NRSN1: variants seen among roughly 807,000 people sequenced by gnomAD.
The protein encoded by NRSN1 is neurensin-1.
NRSN1 carries 14 observed loss-of-function variants against 17.3 expected under a neutral mutation model. That is an observed-to-expected ratio of 0.81 (90% CI 0.54 to 1.27). NRSN1 has a LOEUF of 1.27. NRSN1 is among the 50% of genes most tolerant of loss of function. The pLI is 0.00. For synonymous variants in NRSN1, 79 were observed against 94.2 expected (o/e 0.84, Z 0.93); for missense variants, 209 against 235.9 (o/e 0.89, Z 0.75).
At chr6:24,141,113 C>A in intron 3 of NRSN1, 1 of 1,347,212 alleles carries the variant, frequency 7.4e-7, no homozygotes, top group Non-Finnish European at 9.6e-7. Context: ...AGGACCCTTC[C>A]AAAGCATTCC....
At chr6:24,140,968 T>A in intron 3 of NRSN1, 1 of 1,397,510 alleles carries the variant, frequency 7.2e-7, no homozygotes, top group African/African-American at 1.5e-5. Context: ...AAGAGTGGAA[T>A]CGGAAGTTAC....
At chr6:24,139,241 T>G (rs1581551293) in intron 3 of NRSN1, among the ~76,000 whole-genome samples, 1 of 152,350 alleles carries the variant, frequency 6.6e-6, no homozygotes, top group South Asian at 2.1e-4. Flanking sequence ...TGACATAATG[T>G]CCTGTGGAAG....
At chr6:24,142,213 T>TTTTTTTTTTTTTTTATTTTTTTTTTTTTC (rs957826257) in intron 3 of NRSN1, among the ~76,000 whole-genome samples, 1 of 132,540 alleles carries the variant, frequency 7.5e-6, no homozygotes, top group Non-Finnish European at 1.6e-5. Flanking sequence ...TTTTTTTTTT[T>TTTTTTTTTTTTTTTATTTTTTTTTTTTTC]TCAGAAGACA....
In NRSN1 at chr6:24,134,532, G is replaced by A; in HGVS notation, c.189+16G>A. ...ATTCTGGAAGGTAAGGAAGGAGCATGTGTTTAACTTAGGGAATGGAAAAAT... is the reference window on the plus strand; with the variant it reads ...ATTCTGGAAGGTAAGGAAGGAGCATATGTTTAACTTAGGGAATGGAAAAAT... On this transcript the variant is annotated intron_variant, in intron 3 of 3. Transcript: ENST00000378491. 6.2e-7 allele frequency: 1 copy of A among 1,609,860 alleles called. No homozygotes were observed. The highest frequency in any genetic ancestry group is 8.5e-7 in the Non-Finnish European group (1 of 1,176,880).
At chr6:24,130,426 G>A (rs1760009979) in intron 2 of NRSN1, among the ~76,000 whole-genome samples, 1 of 152,154 alleles carries the variant, frequency 6.6e-6, no homozygotes, top group African/African-American at 2.4e-5. Context: ...AAAAGTTACT[G>A]ACTTCCCTAG....
intron 2 of NRSN1, among the ~76,000 whole-genome samples, chr6:24,131,445 A>C (rs564038883): frequency 2.6e-5 from 4 of 152,190 alleles, no homozygotes; most frequent in African/African-American, 7.2e-5. Context: ...TTTCATGTTA[A>C]AGTCTCTGAT....
chr6:24,145,840 T>C lies in NRSN1; in HGVS notation c.482T>C (p.Ile161Thr). Reference sequence around the variant, plus strand: ...AAGTTTAAAGAACGAATCGCAGACATCAAAGCCCACACCCAGCCGGTTACA... The same window carrying C: ...AAGTTTAAAGAACGAATCGCAGACACCAAAGCCCACACCCAGCCGGTTACA... ...QQKFKERIAD[I>T]KAHTQPVTKA... Residue 161 changes from isoleucine to threonine, a missense_variant, in exon 4 of 4, where the codon ATC (isoleucine) becomes ACC (threonine). Coordinates refer to ENST00000378491, the MANE Select transcript of NRSN1 (RefSeq NM_080723.5). This position sits in a 1 kb window ranked among gnomAD's most constrained non-coding sequence, Gnocchi z 4.4. 1 of 1,614,072 alleles carries C rather than the reference T, an allele frequency of 6.2e-7. No individual in the cohort carries two copies. Among genetic ancestry groups the C allele is most frequent in the Non-Finnish European group, 8.5e-7 (1 of 1,180,016 alleles).
intron 2 of NRSN1, among the ~76,000 whole-genome samples, chr6:24,133,956 C>T (rs1368698083): frequency 6.6e-6 from 1 of 151,782 alleles, no homozygotes; most frequent in Non-Finnish European, 1.5e-5. Context: ...CCTGCCTCAG[C>T]CTCCCAAGTA....
intron 2 of NRSN1, among the ~76,000 whole-genome samples, chr6:24,133,002 C>CA (rs1418112196): frequency 6.6e-6 from 1 of 152,162 alleles, no homozygotes; most frequent in East Asian, 1.9e-4. Context: ...CGATAACTGA[C>CA]AATTCCCTTA....
chr6:24,136,438 C>A (rs1760119310), intron 3 of NRSN1, among the ~76,000 whole-genome samples: 1 of 152,136 alleles, frequency 6.6e-6, no homozygotes, highest in East Asian at 1.9e-4. Flanking sequence ...CTGTAGAAAT[C>A]TCACCTCTGA....
At chr6:24,140,594 C>A (rs1406315659) in intron 3 of NRSN1, among the ~76,000 whole-genome samples, 1 of 152,186 alleles carries the variant, frequency 6.6e-6, no homozygotes, top group Admixed American at 6.5e-5. Context: ...GCTCTTGATG[C>A]GCTTCCCCTA....
chr6:24,131,607 A>G (rs918543919), intron 2 of NRSN1, among the ~76,000 whole-genome samples: 17 of 152,130 alleles, frequency 1.1e-4, no homozygotes, highest in African/African-American at 3.6e-4. Context: ...TGATTTTTCT[A>G]TGCCTCAGTT....
rs139184544 is a variant in NRSN1 at position 24,138,912 on chromosome 6, T to C, written c.189+4396T>C. 8.6e-3 allele frequency among the ~76,000 whole-genome samples: 1,308 copies of C among 152,294 alleles called. 11 individuals carry two copies. Among genetic ancestry groups the C allele is most frequent in the Non-Finnish European group, 0.013 (877 of 68,036 alleles). On this transcript the variant is annotated intron_variant, in intron 3 of 3. Transcript: ENST00000378491. Reference sequence around the variant, plus strand: ...AACATGTTGTTTTGAAATACATATATATTGTGGCACGACTACCTCAAACTA... The same window carrying C: ...AACATGTTGTTTTGAAATACATATACATTGTGGCACGACTACCTCAAACTA...
chr6:24,139,246 TG>T (rs141672164), intron 3 of NRSN1, among the ~76,000 whole-genome samples: 2 of 152,342 alleles, frequency 1.3e-5, no homozygotes, highest in East Asian at 3.9e-4. Flanking sequence ...TAATGTCCTG[TG>T]GAAGACTACT....
intron 1 of NRSN1, among the ~76,000 whole-genome samples, chr6:24,127,312 A>AT (rs1285361916): frequency 2.6e-5 from 4 of 152,222 alleles, no homozygotes; most frequent in Non-Finnish European, 5.9e-5. Flanking sequence ...GCTTTGGTCC[A>AT]TATAGGCTGA....
At chr6:24,136,245 C>A (rs148128009) in intron 3 of NRSN1, among the ~76,000 whole-genome samples, 1 of 152,120 alleles carries the variant, frequency 6.6e-6, no homozygotes, top group African/African-American at 2.4e-5. Context: ...ATATTAGCTA[C>A]TATTACTGGT....
At chr6:24,128,565 C>T (rs571763846) in intron 2 of NRSN1, among the ~76,000 whole-genome samples, 47 of 152,250 alleles carry the variant, frequency 3.1e-4, no homozygotes, top group Non-Finnish European at 6.2e-4. Context: ...TTTCAGAATG[C>T]CTGATTTAAA....
chr6:24,143,327 A>G (rs1760251438), intron 3 of NRSN1, among the ~76,000 whole-genome samples: 1 of 152,136 alleles, frequency 6.6e-6, no homozygotes, highest in Admixed American at 6.5e-5. Flanking sequence ...TATAATCCTC[A>G]GTTTCTTATA....
At chr6:24,134,208 G>A in intron 2 of NRSN1, 111 bp from the exon 3 acceptor site, 1 of 845,070 alleles carries the variant, frequency 1.2e-6, no homozygotes, top group Non-Finnish European at 1.8e-6. Context: ...AATGAAAAGA[G>A]CATTGTTCAA....
Sources: allele counts gnomAD v4.1 joint callset (sites outside exome capture counted in the v4.1 genomes callset), GRCh38; gene constraint gnomAD v4.1.1; non-coding constraint Gnocchi (gnomAD v3.1); transcripts MANE v1.5; gene names NCBI Gene and HGNC (gene_info 2026-07-23, HGNC 2026-07-21).